The following KCNIP4 variants were observed in gnomAD, a reference collection of about 807,000 sequenced individuals.
The protein encoded by KCNIP4 is Kv channel-interacting protein 4.
Under a neutral mutation model 34.0 loss-of-function variants are expected in KCNIP4, and 12 were observed. The observed-to-expected ratio is 0.35, with a 90% CI of 0.23 to 0.57. KCNIP4 has a LOEUF of 0.57. KCNIP4 is among the 20% of genes least tolerant of loss of function. The probability of loss-of-function intolerance (pLI) is 0.83; values close to 1 mark genes in which losing one functional copy is unlikely to be tolerated. For synonymous variants in KCNIP4, 124 were observed against 102.2 expected, an observed-to-expected ratio of 1.21 and a Z score of -1.29; for missense variants, 238 against 311.7, an observed-to-expected ratio of 0.76 and a Z score of 1.78.
intron 1 of KCNIP4, among the ~76,000 whole-genome samples, chr4:21,173,644 T>C (rs958819661): frequency 2.0e-5 from 3 of 152,174 alleles, no homozygotes; most frequent in African/African-American, 7.2e-5. Context: ...AGAATTGCTC[T>C]GCCCAAGGTC....
chr4:21,059,873 G>C (rs950530006), intron 1 of KCNIP4, among the ~76,000 whole-genome samples: 1 of 151,924 alleles, frequency 6.6e-6, no homozygotes, highest in African/African-American at 2.4e-5. Flanking sequence ...GACTGTGTGG[G>C]GTGAAGCGTT....
chr4:21,377,461 T>G (rs888563552), intron 1 of KCNIP4, among the ~76,000 whole-genome samples: 3 of 152,204 alleles, frequency 2.0e-5, no homozygotes, highest in Non-Finnish European at 4.4e-5. Flanking sequence ...ATTTAGTGAT[T>G]GATTACCATC....
intron 1 of KCNIP4, among the ~76,000 whole-genome samples, chr4:21,827,012 T>C (rs988132980): frequency 1.3e-5 from 2 of 152,080 alleles, no homozygotes; most frequent in African/African-American, 4.8e-5. Flanking sequence ...CAAATCTGAA[T>C]AAATGATGTG....
chr4:21,414,789 CTTTAAT>C (rs1724804363), intron 1 of KCNIP4, among the ~76,000 whole-genome samples: 1 of 151,896 alleles, frequency 6.6e-6, no homozygotes. Flanking sequence ...CTGAATGAAT[CTTTAAT>C]TTTTTTTCTT....
chr4:20,792,109 C>T (rs1312833084), intron 3 of KCNIP4, among the ~76,000 whole-genome samples: 1 of 152,222 alleles, frequency 6.6e-6, no homozygotes, highest in African/African-American at 2.4e-5. Context: ...TGCAATGGCT[C>T]ACGCCTATAA....
Position 21,853,739 on chromosome 4 carries a change from C to T in KCNIP4, c.61+94832G>A, listed in dbSNP as rs576014308. Among the ~76,000 whole-genome samples the T allele has an allele frequency of 2.0e-5, 3 of 152,264 alleles. No homozygotes were observed. In the East Asian group the frequency reaches 5.8e-4, roughly 29 times the overall value. On this transcript the variant is annotated intron_variant, in intron 1 of 8. Coordinates refer to ENST00000382152, the MANE Select transcript of KCNIP4 (RefSeq NM_025221.6). ...AACATAGGGGAATATCTGAGAAAAG[C>T]TATCTGTCTAGGGTATCCATAAGAA...
chr4:20,833,957 T>C (rs1014746676), intron 3 of KCNIP4, among the ~76,000 whole-genome samples: 2 of 152,166 alleles, frequency 1.3e-5, no homozygotes, highest in Non-Finnish European at 2.9e-5. Context: ...GAAGCACCCC[T>C]AAACTGGGAG....
At chr4:20,803,703 AAGAGAGAG>A (rs57764706) in intron 3 of KCNIP4, among the ~76,000 whole-genome samples, 9 of 125,794 alleles carry the variant, frequency 7.2e-5, no homozygotes, top group South Asian at 3.1e-4. Context: ...GAGAGAGAGA[AAGAGAGAG>A]AGAGAGAGAG....
intron 1 of KCNIP4, among the ~76,000 whole-genome samples, chr4:21,902,129 T>C (rs1465677746): frequency 9.9e-5 from 15 of 152,098 alleles, no homozygotes. Flanking sequence ...GAAAATTCTC[T>C]GAGAAATTTC....
At chr4:21,348,706 C>T (rs1048299745) in intron 1 of KCNIP4, among the ~76,000 whole-genome samples, 6 of 152,106 alleles carry the variant, frequency 3.9e-5, no homozygotes, top group African/African-American at 7.2e-5. Flanking sequence ...TTCAGAGCTG[C>T]GCTATGATAT....
chr4:21,759,915 C>T (rs369768457), intron 1 of KCNIP4, among the ~76,000 whole-genome samples: 1 of 151,908 alleles, frequency 6.6e-6, no homozygotes, highest in Non-Finnish European at 1.5e-5. Flanking sequence ...ATATACTGCT[C>T]CTTTAGATTT....
intron 1 of KCNIP4, among the ~76,000 whole-genome samples, chr4:21,433,149 AAATGAG>A (rs1387413982): frequency 1.3e-5 from 2 of 152,248 alleles, no homozygotes; most frequent in African/African-American, 4.8e-5. Context: ...CTATATGAAG[AAATGAG>A]ATTCGCTTAA....
intron 3 of KCNIP4, chr4:20,766,929 G>A (rs891806294): frequency 2.0e-5 from 3 of 152,156 alleles, no homozygotes; most frequent in Non-Finnish European, 2.9e-5. Flanking sequence ...AAGTCTCATT[G>A]CTCTCCTCTG....
intron 1 of KCNIP4, among the ~76,000 whole-genome samples, chr4:21,031,431 T>C (rs567647280): frequency 1.3e-5 from 2 of 152,364 alleles, no homozygotes; most frequent in South Asian, 4.1e-4. Flanking sequence ...CAATTTCCAT[T>C]CTTCAGTTGC....
At chr4:21,189,128 A>G (rs2076467238) in intron 1 of KCNIP4, among the ~76,000 whole-genome samples, 1 of 152,250 alleles carries the variant, frequency 6.6e-6, no homozygotes, top group Non-Finnish European at 1.5e-5. Context: ...TCTAAAGCAT[A>G]CAGAATTATA....
At chr4:21,414,861 G>A (rs539241587) in intron 1 of KCNIP4, among the ~76,000 whole-genome samples, 10 of 152,176 alleles carry the variant, frequency 6.6e-5, no homozygotes, top group Middle Eastern at 6.8e-3. Context: ...GGGAACATGA[G>A]ATATTTTGAT....
chr4:21,142,798 T>A (rs2109216233), intron 1 of KCNIP4, among the ~76,000 whole-genome samples: 1 of 152,300 alleles, frequency 6.6e-6, no homozygotes, highest in East Asian at 1.9e-4. Flanking sequence ...GATTTGAGGA[T>A]TAAGGAATAA....
chr4:20,771,939 G>C (rs1237778623), intron 3 of KCNIP4, among the ~76,000 whole-genome samples: 3 of 152,094 alleles, frequency 2.0e-5, no homozygotes, highest in Non-Finnish European at 4.4e-5. Context: ...CAAAGTGCTG[G>C]GATTACAGGT....
chr4:21,041,744 A>G (rs1384796338), intron 1 of KCNIP4, among the ~76,000 whole-genome samples: 3 of 152,206 alleles, frequency 2.0e-5, no homozygotes, highest in Admixed American at 6.5e-5. Context: ...GAAGAAAAAC[A>G]ATTTTGGAGA....
Sources: gnomAD v4.1 joint callset for allele counts (sites outside exome capture counted in the v4.1 genomes callset) on GRCh38, gnomAD v4.1.1 for gene constraint, MANE v1.5 for transcripts, NCBI Gene and HGNC (gene_info 2026-07-23, HGNC 2026-07-21) for gene names.